The following CENPE variants were observed in gnomAD, a reference collection of about 807,000 sequenced individuals.
CENPE encodes the protein centromere protein E.
In CENPE, 145 loss-of-function variants were observed where a neutral mutation model predicts 336.1. That is an observed-to-expected ratio of 0.43 (90% CI 0.38 to 0.50). The LOEUF (loss-of-function observed/expected upper bound fraction) is 0.50. CENPE is among the 20% of genes least tolerant of loss of function. The pLI is 0.00. For synonymous variants in CENPE, 1,013 were observed against 984.8 expected, an observed-to-expected ratio of 1.03 and a Z score of -0.54; for missense variants, 2,719 against 3,023.3, an observed-to-expected ratio of 0.90 and a Z score of 2.36.
chr4:103,122,756 C>T (rs1016961849), intron 43 of CENPE, 115 bp downstream of exon 43: 2 of 736,934 alleles, frequency 2.7e-6, no homozygotes, highest in South Asian at 1.8e-5. Context: ...AAATCAAGCC[C>T]ATCACTTACA....
Position 103,163,187 on chromosome 4 carries a change from T to C in CENPE, c.1792A>G (p.Ile598Val). 1 of 1,608,872 alleles carries C rather than the reference T, an allele frequency of 6.2e-7. No homozygotes were observed. The highest frequency in any genetic ancestry group is 8.5e-7 in the Non-Finnish European group (1 of 1,176,128). Residue 598 changes from isoleucine to valine, a missense_variant, in exon 18 of 49, where the codon ATA (isoleucine) becomes GTA (valine). Physicochemically the swap from Ile to Val is conservative, Grantham distance 29. Transcript: ENST00000265148. The part of the protein sequence containing the change: ...EDQIKKLQEY[I>V]DSQKLENIKM... Reference sequence around the variant, plus strand: ...ATATTTTCTAGCTTTTGAGAGTCTATGTATTCCTGTAGCTTCTTAATCTGG... The same window carrying C: ...ATATTTTCTAGCTTTTGAGAGTCTACGTATTCCTGTAGCTTCTTAATCTGG...
At chr4:103,194,774 T>C (rs1757616696) in intron 5 of CENPE, 90 bp from the exon 6 acceptor site, 34 of 948,508 alleles carry the variant, frequency 3.6e-5, no homozygotes, top group South Asian at 2.2e-4. Context: ...TAGAATTCAT[T>C]TGTGAAAGTT....
At chr4:103,177,523 A>C (rs1345085447) in intron 13 of CENPE, among the ~76,000 whole-genome samples, 1 of 151,720 alleles carries the variant, frequency 6.6e-6, no homozygotes, top group Admixed American at 6.6e-5. Flanking sequence ...CACAACCCTA[A>C]GGTTGTTGAG....
intron 16 of CENPE, among the ~76,000 whole-genome samples, chr4:103,170,462 G>A (rs1224169897): frequency 6.6e-6 from 1 of 152,070 alleles, no homozygotes; most frequent in African/African-American, 2.4e-5. Flanking sequence ...ATGATAATCT[G>A]TTATCAGTTT....
intron 44 of CENPE, among the ~76,000 whole-genome samples, chr4:103,117,713 C>A (rs1441488996): frequency 6.7e-6 from 1 of 148,314 alleles, no homozygotes; most frequent in Non-Finnish European, 1.5e-5. Flanking sequence ...CTGCAACCTT[C>A]GCCTCCCGGG....
At chr4:103,145,487 C>T (rs1752961310) in intron 31 of CENPE, 36 bp downstream of exon 31, 1 of 1,561,642 alleles carries the variant, frequency 6.4e-7, no homozygotes, top group Non-Finnish European at 8.7e-7. Context: ...CCAAACCCAC[C>T]CATTTCCTCC....
At chr4:103,192,153 T>C (rs1757410914) in intron 8 of CENPE, among the ~76,000 whole-genome samples, 1 of 152,122 alleles carries the variant, frequency 6.6e-6, no homozygotes, top group South Asian at 2.1e-4. Context: ...TTACGTTATT[T>C]CTCTCTGTGG....
intron 39 of CENPE, among the ~76,000 whole-genome samples, chr4:103,136,986 A>G (rs1290891312): frequency 6.6e-6 from 1 of 152,198 alleles, no homozygotes; most frequent in Non-Finnish European, 1.5e-5. Context: ...GGGGTCAAGT[A>G]AAATATATGA....
intron 42 of CENPE, among the ~76,000 whole-genome samples, chr4:103,128,007 G>T (rs1751274013): frequency 6.6e-6 from 1 of 152,022 alleles, no homozygotes; most frequent in Non-Finnish European, 1.5e-5. Flanking sequence ...AATAAGAGCT[G>T]ACTGTATGTT....
chr4:103,186,059 T>C (rs1265275673), intron 8 of CENPE, among the ~76,000 whole-genome samples, 198 bp from the exon 9 acceptor site: 1 of 152,228 alleles, frequency 6.6e-6, no homozygotes, highest in African/African-American at 2.4e-5. Context: ...ATATCTTCCA[T>C]AATGCCACCA....
rs868226546 is a variant in CENPE, at chr4:103,112,903, T to C, written c.7540+1552A>G. Among the ~76,000 whole-genome samples, 14 of 32,304 alleles carry C rather than the reference T, an allele frequency of 4.3e-4. 4 individuals carry two copies. Among genetic ancestry groups the C allele is most frequent in the Middle Eastern group, 0.1 (2 of 20 alleles). The allele number at this position is 32,304 out of a possible 152,430, so 21.2% of individuals were successfully genotyped here. On this transcript the variant is annotated intron_variant, in intron 46 of 48. Coordinates refer to ENST00000265148, the MANE Select transcript of CENPE (RefSeq NM_001813.3). ...TTATAAGTATATAAGTGTACATATATACTTATAAGTATATAAGTGTACATA... is the reference window on the plus strand; with the variant it reads ...TTATAAGTATATAAGTGTACATATACACTTATAAGTATATAAGTGTACATA...
chr4:103,157,853 T>C (rs1754088031), intron 24 of CENPE, among the ~76,000 whole-genome samples: 1 of 151,996 alleles, frequency 6.6e-6, no homozygotes, highest in South Asian at 2.1e-4. Flanking sequence ...GTAAATACTC[T>C]GGATAAAATA....
chr4:103,140,553 G>A (rs1195937566), intron 36 of CENPE, 139 bp from the exon 37 acceptor site: 2 of 707,780 alleles, frequency 2.8e-6, no homozygotes, highest in Admixed American at 7.1e-5. Context: ...TAAATTAGAA[G>A]AGTAAAGTAA....
chr4:103,151,513 A>G, intron 25 of CENPE, 136 bp from the exon 26 acceptor site: 1 of 610,458 alleles, frequency 1.6e-6, no homozygotes, highest in Non-Finnish European at 2.6e-6. Flanking sequence ...AAATTTCAAA[A>G]AAGAAAGTCC....
chr4:103,129,744 AT>A (rs780053472), intron 42 of CENPE, among the ~76,000 whole-genome samples: 3 of 104,832 alleles, frequency 2.9e-5, no homozygotes, highest in East Asian at 5.1e-4. Flanking sequence ...ATAAAATAAA[AT>A]AAAAAACAAA....
At chr4:103,154,870 T>C (rs1753840758) in intron 24 of CENPE, among the ~76,000 whole-genome samples, 1 of 152,124 alleles carries the variant, frequency 6.6e-6, no homozygotes, top group African/African-American at 2.4e-5. Flanking sequence ...AACAGACACA[T>C]CAAGTAGGAC....
At chr4:103,133,380 A>G (rs1323187233) in intron 41 of CENPE, among the ~76,000 whole-genome samples, 32 of 152,172 alleles carry the variant, frequency 2.1e-4, no homozygotes, top group Non-Finnish European at 1.5e-5. Flanking sequence ...TTCAGTACAT[A>G]TAGCAGACCT....
chr4:103,119,948 AAAT>A (rs1327652744), intron 44 of CENPE, among the ~76,000 whole-genome samples, 197 bp downstream of exon 44: 1 of 152,124 alleles, frequency 6.6e-6, no homozygotes, highest in African/African-American at 2.4e-5. Flanking sequence ...AACATAATAA[AAAT>A]AATATTTTAT....
chr4:103,175,533 T>C (rs1755784684), intron 15 of CENPE, among the ~76,000 whole-genome samples: 1 of 152,102 alleles, frequency 6.6e-6, no homozygotes, highest in South Asian at 2.1e-4. Context: ...TATACATCTT[T>C]AAACACGAGC....
Sources: allele counts gnomAD v4.1 joint callset (sites outside exome capture counted in the v4.1 genomes callset), GRCh38; gene constraint gnomAD v4.1.1; transcripts MANE v1.5; gene names NCBI Gene and HGNC (gene_info 2026-07-23, HGNC 2026-07-21).